The following SYT1 variants were observed in gnomAD, a reference collection of about 807,000 sequenced individuals.
SYT1 encodes the protein synaptotagmin 1.
SYT1 carries 8 observed loss-of-function variants against 44.8 expected under a neutral mutation model. The observed-to-expected ratio is 0.18, with a 90% confidence interval of 0.10 to 0.32. The LOEUF is 0.32. SYT1 is among the 10% of genes least tolerant of loss of function. The probability of loss-of-function intolerance (pLI) is 1.00; values close to 1 mark genes in which losing one functional copy is unlikely to be tolerated. For missense variants in SYT1, 286 were observed against 509.3 expected (o/e 0.56, Z 4.22); for synonymous variants, 154 against 188.8 (o/e 0.82, Z 1.51).
intron 2 of SYT1, among the ~76,000 whole-genome samples, chr12:78,980,119 T>A (rs1869139877): frequency 6.6e-6 from 1 of 152,174 alleles, no homozygotes; most frequent in South Asian, 2.1e-4. Context: ...GTGCGGCAAG[T>A]AAGACATGTT....
At chr12:79,202,008 T>C (rs1873818241) in intron 3 of SYT1, among the ~76,000 whole-genome samples, 1 of 152,160 alleles carries the variant, frequency 6.6e-6, no homozygotes, top group Non-Finnish European at 1.5e-5. Context: ...TTATAGTATC[T>C]ATAATTACTG....
chr12:79,261,320 T>C (rs1877818694), intron 4 of SYT1, among the ~76,000 whole-genome samples: 1 of 152,186 alleles, frequency 6.6e-6, no homozygotes, highest in Non-Finnish European at 1.5e-5. Context: ...CATTAAGAAA[T>C]GTCTACCTTC....
At chr12:79,059,150 A>G (rs1240468310) in intron 3 of SYT1, among the ~76,000 whole-genome samples, 2 of 152,018 alleles carry the variant, frequency 1.3e-5, no homozygotes, top group East Asian at 3.9e-4. Context: ...TTATAAAACC[A>G]TCAGATCTCA....
intron 3 of SYT1, among the ~76,000 whole-genome samples, chr12:79,155,560 T>C (rs1447022910): frequency 6.6e-6 from 1 of 152,242 alleles, no homozygotes; most frequent in Non-Finnish European, 1.5e-5. Flanking sequence ...TTGTTTAAAA[T>C]CTGTGAGTAA....
chr12:79,188,692 A>C lies in SYT1; in HGVS notation c.-17-28811A>C, dbSNP rs568757451. On this transcript the variant is annotated intron_variant, in intron 3 of 10. Transcript: ENST00000261205. ...GCTAATACTCTTTTTTTCTATCTTGAGGGAAAAGTCTTAATATTTTGTAGC... is the reference window on the plus strand; with the variant it reads ...GCTAATACTCTTTTTTTCTATCTTGCGGGAAAAGTCTTAATATTTTGTAGC... Among the ~76,000 whole-genome samples, 47 of 152,196 alleles carry C rather than the reference A, an allele frequency of 3.1e-4. 1 individual carries two copies. Among genetic ancestry groups the C allele is most frequent in the Admixed American group, 2.8e-3 (43 of 15,272 alleles).
intron 3 of SYT1, among the ~76,000 whole-genome samples, chr12:79,100,141 A>C (rs1385451627): frequency 6.6e-6 from 1 of 152,076 alleles, no homozygotes; most frequent in African/African-American, 2.4e-5. Context: ...GCTTCTTTGG[A>C]GGTATTGTTT....
chr12:79,338,313 G>C, intron 8 of SYT1, among the ~76,000 whole-genome samples: 1 of 139,762 alleles, frequency 7.2e-6, no homozygotes, highest in Non-Finnish European at 1.5e-5. Context: ...ATCTCACTCT[G>C]TCACCCAGGC....
chr12:79,059,369 A>G (rs1875205412), intron 3 of SYT1, among the ~76,000 whole-genome samples: 1 of 152,104 alleles, frequency 6.6e-6, no homozygotes, highest in Non-Finnish European at 1.5e-5. Flanking sequence ...GTAAATGTAA[A>G]ATACATGATT....
chr12:79,103,153 T>C (rs1385400124), intron 3 of SYT1: 4 of 152,210 alleles, frequency 2.6e-5, no homozygotes, highest in Non-Finnish European at 5.9e-5. Flanking sequence ...AGATAAGTTT[T>C]ACTTATCGTG....
chr12:78,981,625 C>A (rs1425530997), intron 2 of SYT1, among the ~76,000 whole-genome samples: 1 of 152,124 alleles, frequency 6.6e-6, no homozygotes, highest in Non-Finnish European at 1.5e-5. Context: ...TAACTCCTTA[C>A]TCTTTATTGA....
intron 2 of SYT1, among the ~76,000 whole-genome samples, chr12:79,036,887 G>T (rs1275795976): frequency 6.6e-6 from 1 of 151,724 alleles, no homozygotes; most frequent in Admixed American, 6.6e-5. Flanking sequence ...AAGTCACCTT[G>T]GAGAATCAAC....
chr12:79,032,561 C>T (rs1394681097), intron 2 of SYT1, among the ~76,000 whole-genome samples: 1 of 151,212 alleles, frequency 6.6e-6, no homozygotes, highest in East Asian at 1.9e-4. Flanking sequence ...TCCCATCAAC[C>T]TCTGCCAACC....
intron 8 of SYT1, among the ~76,000 whole-genome samples, chr12:79,332,943 A>G (rs780707757): frequency 2.0e-5 from 3 of 152,226 alleles, no homozygotes; most frequent in Admixed American, 6.5e-5. Flanking sequence ...TGACATTATG[A>G]AACTATCCAG....
chr12:79,216,352 C>A (rs1874804810), intron 3 of SYT1, among the ~76,000 whole-genome samples: 1 of 152,186 alleles, frequency 6.6e-6, no homozygotes, highest in Non-Finnish European at 1.5e-5. Context: ...GTCCAGGCCT[C>A]TTTACTTATC....
At chr12:78,968,062 C>G (rs1022017722) in intron 1 of SYT1, among the ~76,000 whole-genome samples, 6 of 151,828 alleles carry the variant, frequency 4.0e-5, no homozygotes, top group African/African-American at 1.2e-4. Context: ...GATTACATAT[C>G]TATATATGGA....
chr12:79,194,418 C>T (rs1873318508), intron 3 of SYT1, among the ~76,000 whole-genome samples: 1 of 151,518 alleles, frequency 6.6e-6, no homozygotes. Flanking sequence ...CAAAATTCTA[C>T]ACTCAGAAAG....
intron 3 of SYT1, among the ~76,000 whole-genome samples, chr12:79,054,385 A>T (rs1874773092): frequency 6.6e-6 from 1 of 152,044 alleles, no homozygotes; most frequent in Non-Finnish European, 1.5e-5. Context: ...AGGAGAATTT[A>T]ATTATTAAAG....
At position 79,094,982 on chromosome 12, in the gene SYT1, C is replaced by T. The variant is rs142336758; in HGVS notation, c.-18+47620C>T. Among the ~76,000 whole-genome samples, 315 of 152,010 alleles carry T rather than the reference C, an allele frequency of 2.1e-3. 4 individuals are homozygous for T. Among genetic ancestry groups the T allele is most frequent in the Middle Eastern group, 0.017 (5 of 294 alleles). On this transcript the variant is annotated intron_variant, in intron 3 of 10. Transcript: ENST00000261205. ...AGCTTTGCTTGCCAAAAATGGGGTA[C>T]AACCCATATTTCTGTCCAGCCATAT...
chr12:79,256,599 G>A (rs1877530557), intron 4 of SYT1, among the ~76,000 whole-genome samples: 1 of 151,498 alleles, frequency 6.6e-6, no homozygotes, highest in African/African-American at 2.4e-5. Context: ...TCATGCTGTA[G>A]TTCCAAGATC....
Sources: allele counts gnomAD v4.1 joint callset (sites outside exome capture counted in the v4.1 genomes callset), GRCh38; gene constraint gnomAD v4.1.1; transcripts MANE v1.5; gene names NCBI Gene and HGNC (gene_info 2026-07-23, HGNC 2026-07-21).